Variants in ELP3 observed in about 807,000 individuals in gnomAD.
ELP3 encodes elongator acetyltransferase complex subunit 3.
Under a neutral mutation model 74.9 loss-of-function variants are expected in ELP3, and 56 were observed. The ratio of observed to expected loss-of-function variants is 0.75; its 90% CI spans 0.60 to 0.93. The LOEUF (loss-of-function observed/expected upper bound fraction) is 0.93. Among genes scored for constraint, ELP3 ranks in the 40% least tolerant of loss-of-function variants. The pLI, the probability that ELP3 is intolerant of heterozygous loss-of-function variation, is 0.00. For synonymous variants in ELP3, 222 were observed against 239.8 expected (o/e 0.93, Z 0.68); for missense variants, 573 against 686.5 (o/e 0.83, Z 1.85).
intron 9 of ELP3, 113 bp downstream of exon 9, chr8:28,132,517 T>TAA: frequency 7.4e-7 from 1 of 1,346,860 alleles, no homozygotes. Context: ...AAATGCATCC[T>TAA]TATTATAGAA....
At chr8:28,162,682 T>G (rs1814151365) in intron 14 of ELP3, among the ~76,000 whole-genome samples, 1 of 152,224 alleles carries the variant, frequency 6.6e-6, no homozygotes, top group Admixed American at 6.5e-5. Flanking sequence ...ATAAATTTTA[T>G]GGAACAGGAA....
At chr8:28,178,795 T>C (rs920791128) in intron 14 of ELP3, among the ~76,000 whole-genome samples, 4 of 152,268 alleles carry the variant, frequency 2.6e-5, no homozygotes, top group African/African-American at 9.6e-5. Context: ...TGTTCCATTC[T>C]GATGAATATG....
chr8:28,122,773 AT>A (rs1374557804), intron 7 of ELP3, among the ~76,000 whole-genome samples: 1 of 152,010 alleles, frequency 6.6e-6, no homozygotes, highest in Non-Finnish European at 1.5e-5. Context: ...TTCTGCTTTT[AT>A]TTTTATTCTA....
At chr8:28,154,845 C>T (rs1179157283) in intron 10 of ELP3, among the ~76,000 whole-genome samples, 3 of 152,138 alleles carry the variant, frequency 2.0e-5, no homozygotes, top group Non-Finnish European at 2.9e-5. Context: ...TTATGTCACT[C>T]TCAGTTTGAA....
chr8:28,189,707 G>A lies in ELP3; in HGVS notation c.1626G>A (p.Met542Ile). ...GCTACAGATTACAAGGCCCGTACAT[G>A]GTGAAGATGCTGAAATAATGGCCAC... ...KIGYRLQGPY[M>I]VKMLK Residue 542 changes from methionine to isoleucine, a missense_variant, in exon 15 of 15, where the codon ATG becomes ATA. Physicochemically the swap from Met to Ile is conservative, Grantham distance 10 (BLOSUM62 1). Transcript: ENST00000256398. 6.2e-7 allele frequency: 1 copy of A among 1,614,074 alleles called. No individual in the cohort carries two copies. Among genetic ancestry groups the A allele is most frequent in the Non-Finnish European group, 8.5e-7 (1 of 1,179,942 alleles).
intron 14 of ELP3, among the ~76,000 whole-genome samples, chr8:28,171,680 G>A (rs1200955792): frequency 6.6e-6 from 1 of 152,080 alleles, no homozygotes; most frequent in African/African-American, 2.4e-5. Context: ...CAGTTTATCT[G>A]TCTTTTGTTA....
intron 5 of ELP3, among the ~76,000 whole-genome samples, chr8:28,108,268 A>G (rs1003054992): frequency 7.2e-5 from 11 of 152,154 alleles, no homozygotes; most frequent in African/African-American, 2.7e-4. Flanking sequence ...GATAGACACT[A>G]TCATGATCCC....
At position 28,124,700 on chromosome 8, in the gene ELP3, A is replaced by G. The variant is rs190913435; in HGVS notation, c.618-4802A>G. Reference sequence around the variant, plus strand: ...TACAAAATGATAGTTTTTGTCAGCCATGAAAAAAATCAAACCTCAAACAAA... The same window carrying G: ...TACAAAATGATAGTTTTTGTCAGCCGTGAAAAAAATCAAACCTCAAACAAA... On this transcript the variant is annotated intron_variant, in intron 7 of 14. Coordinates refer to ENST00000256398, the MANE Select transcript of ELP3 (RefSeq NM_018091.6). 1.4e-3 allele frequency among the ~76,000 whole-genome samples: 213 copies of G among 152,226 alleles called. 1 individual carries two copies. Among genetic ancestry groups the G allele is most frequent in the African/African-American group, 4.9e-3 (204 of 41,552 alleles).
intron 7 of ELP3, among the ~76,000 whole-genome samples, chr8:28,128,369 G>C (rs918638899): frequency 6.6e-6 from 1 of 152,066 alleles, no homozygotes; most frequent in Non-Finnish European, 1.5e-5. Flanking sequence ...CTAGCTACTC[G>C]GGAGGCTGAA....
chr8:28,151,595 C>T lies in ELP3; in HGVS notation c.1101-4347C>T, dbSNP rs538571887. Among the ~76,000 whole-genome samples the T allele has an allele frequency of 1.2e-4, 18 of 152,246 alleles. No individual in the cohort carries two copies. The South Asian group carries it at 3.5e-3, about 30-fold the overall frequency. ...GGTAAGATGATGGGGGAGAAGTGTT[C>T]GCTAGTCCTGTGATTAGGTCTTAGT... is the stretch of plus-strand genomic sequence containing the variant. On this transcript the variant is annotated intron_variant, in intron 10 of 14. Transcript: ENST00000256398.
intron 14 of ELP3, among the ~76,000 whole-genome samples, chr8:28,162,876 ATGTT>A (rs1253157215): frequency 6.6e-6 from 1 of 152,154 alleles, no homozygotes; most frequent in Non-Finnish European, 1.5e-5. Context: ...AGAGATGAAG[ATGTT>A]TGTTTGCTCC....
At chr8:28,124,888 C>T (rs112199187) in intron 7 of ELP3, among the ~76,000 whole-genome samples, 6 of 152,014 alleles carry the variant, frequency 3.9e-5, no homozygotes, top group African/African-American at 9.7e-5. Context: ...TTGTGTTGGG[C>T]GTGGTTAATT....
rs11368481 is a variant in ELP3, at chr8:28,190,573, A to ATT, written c.*861_*862dup. On this transcript the variant is annotated 3_prime_UTR_variant, in exon 15 of 15. Transcript: ENST00000256398. ...GCTTCCACAGAAGCCATTACTTGCA[A>ATT]TTTTTTTTTTTTTTCTGAGAAAGTC... 0.084 allele frequency: 12,236 copies of ATT among 146,018 alleles called. 948 individuals are homozygous for ATT. The highest frequency in any genetic ancestry group is 0.34 in the East Asian group (1,650 of 4,914). 9.0% of individuals were successfully genotyped at this position (146,018 alleles called of 1,614,324 possible). A position where few individuals can be genotyped will look rare whatever the true frequency, so the allele number is the denominator to read the frequency against.
At chr8:28,117,051 G>A (rs568282513) in intron 7 of ELP3, among the ~76,000 whole-genome samples, 27 of 152,120 alleles carry the variant, frequency 1.8e-4, no homozygotes, top group Middle Eastern at 3.4e-3. Context: ...ATATACTTCT[G>A]TACTCATTTC....
intron 11 of ELP3, among the ~76,000 whole-genome samples, chr8:28,157,369 T>C (rs1813873262): frequency 2.0e-5 from 3 of 151,574 alleles, no homozygotes; most frequent in Admixed American, 2.0e-4. Context: ...TGCTAGCTAC[T>C]ATATAGAACT....
rs749424969 is a variant in ELP3, at chr8:28,099,961, A to G, written c.253A>G (p.Ser85Gly). 2 of 1,613,972 alleles carry G rather than the reference A, an allele frequency of 1.2e-6. No individual in the cohort carries two copies. Among genetic ancestry groups the G allele is most frequent in the Admixed American group, 1.7e-5 (1 of 60,000 alleles). The change falls in exon 3 of 15, where the codon AGT (serine) becomes GGT (glycine). Residue 85 changes from serine to glycine, a missense_variant. Ser to Gly is a moderately conservative substitution (Grantham distance 56). Coordinates refer to ENST00000256398, the MANE Select transcript of ELP3 (RefSeq NM_018091.6). ...KLKAKPIRTASGIAVVAVMCK... is the reference protein window; with the variant it reads ...KLKAKPIRTAGGIAVVAVMCK... Reference sequence around the variant, plus strand: ...AAAGGCGAAACCCATCAGAACTGCTAGTGGGGTGAGTGATTCGACTCATGA... The same window carrying G: ...AAAGGCGAAACCCATCAGAACTGCTGGTGGGGTGAGTGATTCGACTCATGA...
intron 9 of ELP3, 84 bp downstream of exon 9, chr8:28,132,488 A>G: frequency 1.9e-6 from 3 of 1,567,846 alleles, no homozygotes; most frequent in Non-Finnish European, 1.7e-6. Flanking sequence ...TTCACTGTTG[A>G]TGTTTTCCAG....
Position 28,123,339 on chromosome 8 carries a change from T to C in ELP3, c.618-6163T>C, listed in dbSNP as rs539973645. ...CCAGACAATGAGGTTTTTCTTGATA[T>C]CTTATTAATTTCTAATTTATTTTCA... is the stretch of plus-strand genomic sequence containing the variant. On this transcript the variant is annotated intron_variant, in intron 7 of 14. Transcript: ENST00000256398. 4.6e-5 allele frequency among the ~76,000 whole-genome samples: 7 copies of C among 152,306 alleles called. No homozygotes were observed. In the East Asian group the frequency reaches 9.6e-4, roughly 21 times the overall value.
chr8:28,115,357 G>A (rs1433503204), intron 7 of ELP3, among the ~76,000 whole-genome samples: 1 of 152,258 alleles, frequency 6.6e-6, no homozygotes, highest in East Asian at 1.9e-4. Context: ...GCAATTTTTA[G>A]AGCAATTCTT....
Sources: gnomAD v4.1 joint callset for allele counts (sites outside exome capture counted in the v4.1 genomes callset) on GRCh38, gnomAD v4.1.1 for gene constraint, MANE v1.5 for transcripts, NCBI Gene and HGNC (gene_info 2026-07-23, HGNC 2026-07-21) for gene names.